NTM: variants seen among roughly 807,000 people sequenced by gnomAD.
The protein encoded by NTM is IgLON family member 2.
In NTM, 13 loss-of-function variants were observed where a neutral mutation model predicts 42.1. The ratio of observed to expected loss-of-function variants is 0.31; its 90% CI spans 0.20 to 0.49. The LOEUF (loss-of-function observed/expected upper bound fraction) is 0.49. NTM is among the 20% of genes least tolerant of loss of function. The pLI is 0.99. For missense variants in NTM, 373 were observed against 452.8 expected, an observed-to-expected ratio of 0.82 and a Z score of 1.60; for synonymous variants, 187 against 179.2, an observed-to-expected ratio of 1.04 and a Z score of -0.35.
At chr11:131,611,717 A>G (rs905826351) in intron 1 of NTM, among the ~76,000 whole-genome samples, 34 of 152,220 alleles carry the variant, frequency 2.2e-4, no homozygotes, top group African/African-American at 8.2e-4. Context: ...TCGTGCTGGA[A>G]CTGGGCTGCA....
chr11:131,633,838 C>T (rs2064032668), intron 1 of NTM, among the ~76,000 whole-genome samples: 1 of 147,662 alleles, frequency 6.8e-6, no homozygotes, highest in South Asian at 2.2e-4. Flanking sequence ...AACAGCTGGA[C>T]ATAAAACCTA....
At chr11:131,381,051 T>C (rs1187720512) in intron 1 of NTM, among the ~76,000 whole-genome samples, 3 of 152,186 alleles carry the variant, frequency 2.0e-5, no homozygotes, top group African/African-American at 7.2e-5. Context: ...TGGAGCTCAG[T>C]ATTTCAGGCT....
chr11:131,479,520 A>C (rs1451537369), intron 1 of NTM, among the ~76,000 whole-genome samples: 1 of 152,184 alleles, frequency 6.6e-6, no homozygotes. Context: ...AAGGAAGAGA[A>C]AAAGGAGGCT....
chr11:132,005,547 T>A (rs2070577967), intron 2 of NTM, among the ~76,000 whole-genome samples: 1 of 152,176 alleles, frequency 6.6e-6, no homozygotes, highest in African/African-American at 2.4e-5. Flanking sequence ...GATATATGAA[T>A]GATATCTCAT....
chr11:131,606,631 T>G (rs1049732244), intron 1 of NTM, among the ~76,000 whole-genome samples: 1 of 152,196 alleles, frequency 6.6e-6, no homozygotes, highest in Non-Finnish European at 1.5e-5. Context: ...ACTTGGGAAC[T>G]AACTGCAAAA....
chr11:131,955,823 T>C (rs1156561130), intron 2 of NTM, among the ~76,000 whole-genome samples: 1 of 152,126 alleles, frequency 6.6e-6, no homozygotes, highest in East Asian at 1.9e-4. Flanking sequence ...CTCCTAAATA[T>C]AATGTCCGCG....
At chr11:131,392,208 C>T (rs966738610) in intron 1 of NTM, among the ~76,000 whole-genome samples, 2 of 152,208 alleles carry the variant, frequency 1.3e-5, no homozygotes, top group East Asian at 3.9e-4. Flanking sequence ...TCTGCTGCCG[C>T]GGTGATATCA....
At chr11:131,583,880 G>T (rs1218366455) in intron 1 of NTM, among the ~76,000 whole-genome samples, 1 of 152,108 alleles carries the variant, frequency 6.6e-6, no homozygotes, top group East Asian at 1.9e-4. Flanking sequence ...TACCTTCATG[G>T]ATATGAGTCC....
At chr11:132,132,117 C>T (rs1438195718) in intron 2 of NTM, among the ~76,000 whole-genome samples, 2 of 152,192 alleles carry the variant, frequency 1.3e-5, no homozygotes, top group African/African-American at 4.8e-5. Flanking sequence ...CCCGAGGATA[C>T]ATTCCTCTGC....
rs1565363122 is a variant in NTM at position 132,275,738 on chromosome 11, A to ATATATACG, written c.527-31945_527-31944insCGTATATA. Among the ~76,000 whole-genome samples the ATATATACG allele has an allele frequency of 2.1e-3, 137 of 66,570 alleles. 1 individual carries two copies. Among genetic ancestry groups the ATATATACG allele is most frequent in the African/African-American group, 4.2e-3 (56 of 13,418 alleles). 43.7% of individuals were successfully genotyped at this position (66,570 alleles called of 152,430 possible). The stretch of plus-strand genomic sequence containing the variant: ...TGTATATATATACGTATATATACGT[A>ATATATACG]TATATATATGTGTATATATATATAT... On this transcript the variant is annotated intron_variant, in intron 4 of 8. Coordinates refer to ENST00000683400, the MANE Select transcript of NTM (RefSeq NM_001352005.2).
intron 1 of NTM, among the ~76,000 whole-genome samples, chr11:131,898,918 G>A (rs952549271): frequency 1.3e-5 from 2 of 152,136 alleles, no homozygotes; most frequent in Non-Finnish European, 2.9e-5. Flanking sequence ...ATGATCTATT[G>A]CTTGGGATGA....
At chr11:131,804,972 G>A (rs2136260574) in intron 1 of NTM, among the ~76,000 whole-genome samples, 1 of 152,292 alleles carries the variant, frequency 6.6e-6, no homozygotes, top group East Asian at 1.9e-4. Flanking sequence ...TGGAAGGGAT[G>A]ACATCAGGCA....
At chr11:131,735,630 G>A (rs1483721858) in intron 1 of NTM, among the ~76,000 whole-genome samples, 1 of 152,216 alleles carries the variant, frequency 6.6e-6, no homozygotes, top group Non-Finnish European at 1.5e-5. Context: ...ACATCACTGA[G>A]TTCTACCTTT....
intron 1 of NTM, among the ~76,000 whole-genome samples, chr11:131,516,368 C>T (rs566361566): frequency 2.0e-5 from 3 of 152,082 alleles, no homozygotes; most frequent in Non-Finnish European, 2.9e-5. Context: ...GCAAGTTGAC[C>T]CTGACCCTTT....
At chr11:131,851,532 C>CGCGCGT (rs147213224) in intron 1 of NTM, among the ~76,000 whole-genome samples, 36,967 of 146,730 alleles carry the variant, frequency 0.25, 5,836 homozygotes, top group East Asian at 0.43. Flanking sequence ...GTGAGAATGG[C>CGCGCGT]GTGTGTGTGT....
intron 1 of NTM, among the ~76,000 whole-genome samples, chr11:131,600,731 A>G (rs970156465): frequency 6.6e-6 from 1 of 152,230 alleles, no homozygotes; most frequent in Non-Finnish European, 1.5e-5. Flanking sequence ...GCAGGAAGGC[A>G]GAATGGGAGA....
Position 131,599,362 on chromosome 11 carries a change from C to CCCTGTCTACCCAGTCTCCGGCAGATGT in NTM, c.82+228498_82+228499insTGTCCTGTCTACCCAGTCTCCGGCAGA, listed in dbSNP as rs1565688101. The stretch of plus-strand genomic sequence containing the variant: ...CTGTCTACCCAGTCTCCGGCAGATG[C>CCCTGTCTACCCAGTCTCCGGCAGATGT]CCTGTCTACCCAGTCTCCGGCAGAG... On this transcript the variant is annotated intron_variant, in intron 1 of 8. Coordinates refer to ENST00000683400, the MANE Select transcript of NTM (RefSeq NM_001352005.2). 1.5e-3 allele frequency among the ~76,000 whole-genome samples: 229 copies of CCCTGTCTACCCAGTCTCCGGCAGATGT among 150,112 alleles called. 15 individuals carry two copies. The highest frequency in any genetic ancestry group is 5.7e-3 in the African/African-American group (226 of 39,910).
At chr11:131,827,326 G>C (rs981233918) in intron 1 of NTM, among the ~76,000 whole-genome samples, 4 of 152,160 alleles carry the variant, frequency 2.6e-5, no homozygotes, top group Non-Finnish European at 5.9e-5. Context: ...AGATGGATCT[G>C]GCAATGTGAA....
intron 1 of NTM, among the ~76,000 whole-genome samples, chr11:131,442,332 C>T (rs1949687666): frequency 6.6e-6 from 1 of 152,172 alleles, no homozygotes; most frequent in African/African-American, 2.4e-5. Flanking sequence ...TCTTCATCAT[C>T]CTCCTCATCG....
Sources: gnomAD v4.1 joint callset for allele counts (sites outside exome capture counted in the v4.1 genomes callset) on GRCh38, gnomAD v4.1.1 for gene constraint, MANE v1.5 for transcripts, NCBI Gene and HGNC (gene_info 2026-07-23, HGNC 2026-07-21) for gene names.